The following VAMP4 variants were observed in gnomAD, a reference collection of about 807,000 sequenced individuals.
The protein encoded by VAMP4 is vesicle-associated membrane protein 4.
Under a neutral mutation model 23.5 loss-of-function variants are expected in VAMP4, and 19 were observed. The ratio of observed to expected loss-of-function variants is 0.81; its 90% confidence interval spans 0.56 to 1.19. The LOEUF (loss-of-function observed/expected upper bound fraction) is 1.19. Ranked by LOEUF, VAMP4 falls within the 50% of genes most tolerant of loss-of-function variation. VAMP4 has a pLI of 0.00. For synonymous variants in VAMP4, 31 were observed against 51.0 expected (o/e 0.61, Z 1.67); for missense variants, 145 against 168.6 (o/e 0.86, Z 0.78).
At chr1:171,739,165 G>A (rs1372741082) in intron 1 of VAMP4, among the ~76,000 whole-genome samples, 1 of 152,140 alleles carries the variant, frequency 6.6e-6, no homozygotes. Flanking sequence ...GAAAAACCTA[G>A]GCATGATTAG....
At chr1:171,741,396 T>C (rs1449259040) in intron 1 of VAMP4, among the ~76,000 whole-genome samples, 2 of 152,116 alleles carry the variant, frequency 1.3e-5, no homozygotes, top group African/African-American at 4.8e-5. Flanking sequence ...TTGCAAAACC[T>C]GTCAAGTGTA....
At chr1:171,719,356 A>G (rs1285518491) in intron 3 of VAMP4, 135 bp from the exon 4 acceptor site, 14 of 626,328 alleles carry the variant, frequency 2.2e-5, no homozygotes, top group Non-Finnish European at 3.4e-5. Flanking sequence ...ATCATAAGGG[A>G]CCACATTTTA....
In VAMP4 at chr1:171,728,547, T is replaced by C; in HGVS notation, c.90A>G (p.Ser30=). Residue 30 remains serine, a synonymous_variant, in exon 3 of 8, where the codon TCA becomes TCG. Transcript: ENST00000236192. Reference sequence around the variant, plus strand: ...ACAGAAAAAAGTCCTCTTCTTCATCTGAATCATCTTCCAAAAGATTTCTCT... The same window carrying C: ...ACAGAAAAAAGTCCTCTTCTTCATCCGAATCATCTTCCAAAAGATTTCTCT... ...SERRNLLEDD[S]DEEEDFFLRG... The C allele has an allele frequency of 6.4e-7, 1 of 1,552,716 alleles. No individual in the cohort carries two copies. The highest frequency in any genetic ancestry group is 8.7e-7 in the Non-Finnish European group (1 of 1,150,496).
At chr1:171,704,971 T>C (rs116310590) in intron 7 of VAMP4, among the ~76,000 whole-genome samples, 2,842 of 152,200 alleles carry the variant, frequency 0.019, 60 homozygotes, top group Non-Finnish European at 0.023. Flanking sequence ...TTTCTTCTTT[T>C]TGTTATTAAT....
intron 1 of VAMP4, among the ~76,000 whole-genome samples, chr1:171,741,542 C>A (rs1045169135): frequency 1.3e-5 from 2 of 151,170 alleles, no homozygotes; most frequent in Non-Finnish European, 3.0e-5. Context: ...CCACGTCCCA[C>A]GATATATCTG....
At chr1:171,715,122 T>C (rs1208573783) in intron 4 of VAMP4, among the ~76,000 whole-genome samples, 2 of 152,098 alleles carry the variant, frequency 1.3e-5, no homozygotes, top group African/African-American at 4.8e-5. Context: ...GGTGAAGGAA[T>C]TGGGAAAAGA....
intron 2 of VAMP4, among the ~76,000 whole-genome samples, chr1:171,731,112 G>A (rs113288959): frequency 6.6e-6 from 1 of 152,034 alleles, no homozygotes; most frequent in Admixed American, 6.5e-5. Context: ...GTATTTTTGT[G>A]TATCTTTTAC....
chr1:171,707,797 C>T (rs1654705251), intron 6 of VAMP4, among the ~76,000 whole-genome samples: 1 of 151,978 alleles, frequency 6.6e-6, no homozygotes, highest in Non-Finnish European at 1.5e-5. Context: ...TCCTTAAAAG[C>T]ACGCTATTCC....
At chr1:171,728,067 C>G (rs1655433017) in intron 3 of VAMP4, among the ~76,000 whole-genome samples, 1 of 152,166 alleles carries the variant, frequency 6.6e-6, no homozygotes, top group Non-Finnish European at 1.5e-5. Flanking sequence ...TTCAGTTACC[C>G]ATGGTCAACT....
chr1:171,721,211 T>C (rs114099765), intron 3 of VAMP4, among the ~76,000 whole-genome samples: 3,737 of 152,090 alleles, frequency 0.025, 47 homozygotes, highest in Middle Eastern at 0.061. Context: ...AAACATAATA[T>C]GAAAGATGAA....
intron 2 of VAMP4, among the ~76,000 whole-genome samples, chr1:171,730,619 G>T (rs949511226): frequency 1.3e-5 from 2 of 151,744 alleles, no homozygotes; most frequent in Non-Finnish European, 2.9e-5. Context: ...TTAGTTTTTG[G>T]TATGTTGACA....
At chr1:171,739,929 C>T (rs1655874947) in intron 1 of VAMP4, among the ~76,000 whole-genome samples, 1 of 152,004 alleles carries the variant, frequency 6.6e-6, no homozygotes, top group African/African-American at 2.4e-5. Context: ...CGAAAAAGTT[C>T]TTCTATGCAA....
intron 3 of VAMP4, among the ~76,000 whole-genome samples, chr1:171,726,708 C>A (rs1655381577): frequency 6.6e-6 from 1 of 151,770 alleles, no homozygotes; most frequent in Non-Finnish European, 1.5e-5. Context: ...TATAAAACTC[C>A]TAGAAGAAAG....
chr1:171,730,897 T>TA (rs1334698641), intron 2 of VAMP4, among the ~76,000 whole-genome samples: 7 of 150,790 alleles, frequency 4.6e-5, no homozygotes, highest in Non-Finnish European at 8.9e-5. Flanking sequence ...TACTAAAGAG[T>TA]AAAAAAATGA....
At position 171,713,499 on chromosome 1, in the gene VAMP4, A is replaced by G. The variant is rs543658973; in HGVS notation, c.165-2685T>C. On this transcript the variant is annotated intron_variant, in intron 4 of 7. Coordinates refer to ENST00000236192, the MANE Select transcript of VAMP4 (RefSeq NM_003762.5). ...GCCGTAGACATTATATATACTTTTA[A>G]AATGAAAACAAAAAGCTAATAAAAT... Among the ~76,000 whole-genome samples the G allele has an allele frequency of 4.6e-5, 7 of 152,264 alleles. No individual in the cohort carries two copies. The South Asian group carries it at 1.2e-3, about 27-fold the overall frequency.
chr1:171,716,084 T>C (rs530636459), intron 4 of VAMP4, among the ~76,000 whole-genome samples: 102 of 152,352 alleles, frequency 6.7e-4, no homozygotes, highest in African/African-American at 2.2e-3. Context: ...TTTAAGGTAC[T>C]GCTGACAAAA....
chr1:171,740,508 C>G (rs1321689762), intron 1 of VAMP4, among the ~76,000 whole-genome samples: 1 of 152,216 alleles, frequency 6.6e-6, no homozygotes, highest in Non-Finnish European at 1.5e-5. Context: ...AAATTATTCA[C>G]TTGTAACAAA....
chr1:171,715,180 C>T (rs972933702), intron 4 of VAMP4, among the ~76,000 whole-genome samples: 3 of 152,022 alleles, frequency 2.0e-5, no homozygotes, highest in Non-Finnish European at 4.4e-5. Flanking sequence ...TGGTAGTAGA[C>T]GATGGCTATT....
intron 2 of VAMP4, among the ~76,000 whole-genome samples, chr1:171,732,300 C>A (rs1655589968): frequency 6.7e-6 from 1 of 149,116 alleles, no homozygotes; most frequent in South Asian, 2.1e-4. Flanking sequence ...GTGGGGGGAT[C>A]ACTTGAGCCC....
Sources: gnomAD v4.1 joint callset for allele counts (sites outside exome capture counted in the v4.1 genomes callset) on GRCh38, gnomAD v4.1.1 for gene constraint, MANE v1.5 for transcripts, NCBI Gene and HGNC (gene_info 2026-07-23, HGNC 2026-07-21) for gene names.